NKAIN2: variants seen among roughly 807,000 people sequenced by gnomAD.
NKAIN2 encodes the protein sodium/potassium transporting ATPase interacting 2.
NKAIN2 carries 14 observed loss-of-function variants against 32.6 expected under a neutral mutation model. The ratio of observed to expected loss-of-function variants is 0.43; its 90% CI spans 0.28 to 0.67. NKAIN2 has a LOEUF of 0.67. Among genes scored for constraint, NKAIN2 ranks in the 30% least tolerant of loss-of-function variants. The pLI is 0.17. For missense variants in NKAIN2, 198 were observed against 258.3 expected, an observed-to-expected ratio of 0.77 and a Z score of 1.60; for synonymous variants, 80 against 87.2, an observed-to-expected ratio of 0.92 and a Z score of 0.46.
At chr6:124,307,725 A>C (rs1796561564) in intron 2 of NKAIN2, among the ~76,000 whole-genome samples, 1 of 152,190 alleles carries the variant, frequency 6.6e-6, no homozygotes, top group Non-Finnish European at 1.5e-5. Flanking sequence ...TATTTATTAA[A>C]ATATGACAGC....
At chr6:124,706,857 ATACTTT>A (rs1378811548) in intron 4 of NKAIN2, among the ~76,000 whole-genome samples, 1 of 151,866 alleles carries the variant, frequency 6.6e-6, no homozygotes, top group African/African-American at 2.4e-5. Flanking sequence ...TTTTTTTATT[ATACTTT>A]AAGTTTTAGG....
chr6:124,568,710 T>C (rs995669731), intron 3 of NKAIN2, among the ~76,000 whole-genome samples: 6 of 150,428 alleles, frequency 4.0e-5, no homozygotes, highest in African/African-American at 1.5e-4. Flanking sequence ...CATCTAGTGG[T>C]GAAAGAGGAA....
At chr6:124,379,162 G>A (rs1800134369) in intron 3 of NKAIN2, among the ~76,000 whole-genome samples, 3 of 48,352 alleles carry the variant, frequency 6.2e-5, no homozygotes, top group Non-Finnish European at 8.7e-5. Context: ...AGGGAGGGGA[G>A]GGGAGGGAGG....
chr6:124,491,037 G>A (rs1777842417), intron 3 of NKAIN2, among the ~76,000 whole-genome samples: 1 of 151,814 alleles, frequency 6.6e-6, no homozygotes, highest in African/African-American at 2.4e-5. Context: ...ATAAATTTCT[G>A]GTTGCAAGAT....
At chr6:124,178,329 G>T (rs1157348050) in intron 1 of NKAIN2, among the ~76,000 whole-genome samples, 3 of 146,612 alleles carry the variant, frequency 2.0e-5, no homozygotes, top group Non-Finnish European at 4.5e-5. Context: ...ACAGAGTCTC[G>T]CTCTGTTGCC....
At chr6:124,180,784 G>A (rs891358650) in intron 1 of NKAIN2, among the ~76,000 whole-genome samples, 22 of 152,278 alleles carry the variant, frequency 1.4e-4, no homozygotes, top group African/African-American at 3.8e-4. Context: ...CTGTGGCTTC[G>A]CTGGGTACAG....
Position 124,414,310 on chromosome 6 carries a change from A to G in NKAIN2, c.273+58963A>G, listed in dbSNP as rs188069836. On this transcript the variant is annotated intron_variant, in intron 3 of 6. Coordinates refer to ENST00000368417, the MANE Select transcript of NKAIN2 (RefSeq NM_001040214.3). ...GATGATCACATTTTAGTTTGATAAT[A>G]TCATGAATTATATTGACTTTTGAAT... 3.4e-3 allele frequency among the ~76,000 whole-genome samples: 511 copies of G among 152,278 alleles called. 1 individual carries two copies. Among genetic ancestry groups the G allele is most frequent in the Non-Finnish European group, 5.6e-3 (381 of 67,988 alleles).
At chr6:124,681,051 A>C (rs1773598135) in intron 4 of NKAIN2, among the ~76,000 whole-genome samples, 2 of 151,938 alleles carry the variant, frequency 1.3e-5, no homozygotes, top group African/African-American at 4.8e-5. Flanking sequence ...AGAACAGTCC[A>C]TAGAGATTAT....
chr6:124,458,243 A>T (rs1720087409), intron 3 of NKAIN2, among the ~76,000 whole-genome samples: 2 of 152,006 alleles, frequency 1.3e-5, no homozygotes, highest in Admixed American at 6.6e-5. Flanking sequence ...TATAGATCTA[A>T]TTTGTGACTT....
chr6:124,464,660 A>C lies in NKAIN2; in HGVS notation c.273+109313A>C, dbSNP rs367977400. Among the ~76,000 whole-genome samples the C allele has an allele frequency of 8.3e-4, 127 of 152,234 alleles. No individual in the cohort carries two copies. The South Asian group carries it at 0.015, about 18-fold the overall frequency. On this transcript the variant is annotated intron_variant, in intron 3 of 6. Transcript: ENST00000368417. ...AGAAATTCCTTTGACAGGTTTGTTA[A>C]AGATCTCATGATTGTAGATGTGTGG...
chr6:124,127,695 T>A (rs1485974738), intron 1 of NKAIN2, among the ~76,000 whole-genome samples: 1 of 152,150 alleles, frequency 6.6e-6, no homozygotes, highest in Non-Finnish European at 1.5e-5. Flanking sequence ...GGGACAGGCC[T>A]GGTCAGCAAA....
At chr6:124,062,347 G>A (rs948883871) in intron 1 of NKAIN2, among the ~76,000 whole-genome samples, 10 of 152,062 alleles carry the variant, frequency 6.6e-5, no homozygotes, top group African/African-American at 1.4e-4. Flanking sequence ...TCATGTCTGC[G>A]CATTTGCTTA....
At chr6:123,976,742 A>G (rs564825207) in intron 1 of NKAIN2, among the ~76,000 whole-genome samples, 170 of 152,252 alleles carry the variant, frequency 1.1e-3, no homozygotes, top group African/African-American at 4.1e-3. Context: ...AGGATTTACT[A>G]CCTTTATATG....
At chr6:124,189,892 G>A (rs938751678) in intron 1 of NKAIN2, among the ~76,000 whole-genome samples, 1 of 152,158 alleles carries the variant, frequency 6.6e-6, no homozygotes, top group African/African-American at 2.4e-5. Flanking sequence ...GGAACACAAT[G>A]AGCCTTCATT....
At chr6:124,120,186 T>C (rs911249646) in intron 1 of NKAIN2, among the ~76,000 whole-genome samples, 1 of 152,128 alleles carries the variant, frequency 6.6e-6, no homozygotes, top group Admixed American at 6.5e-5. Context: ...GACAAATACA[T>C]TTTTAAAAAT....
intron 4 of NKAIN2, among the ~76,000 whole-genome samples, chr6:124,773,857 G>A (rs1359988626): frequency 1.3e-5 from 2 of 152,292 alleles, no homozygotes; most frequent in Middle Eastern, 3.4e-3. Context: ...AGATTTGAAA[G>A]AGATACTGAG....
At chr6:124,003,325 C>A (rs967867699) in intron 1 of NKAIN2, among the ~76,000 whole-genome samples, 2 of 152,086 alleles carry the variant, frequency 1.3e-5, no homozygotes. Flanking sequence ...GACCATCTTA[C>A]ATATTTTAAT....
intron 1 of NKAIN2, among the ~76,000 whole-genome samples, chr6:123,984,025 A>G (rs963848935): frequency 1.3e-5 from 2 of 152,096 alleles, no homozygotes; most frequent in African/African-American, 4.8e-5. Flanking sequence ...CTCCTGCCTC[A>G]GCCTCCCGAG....
intron 3 of NKAIN2, among the ~76,000 whole-genome samples, chr6:124,438,628 C>T (rs961045424): frequency 1.3e-5 from 2 of 152,156 alleles, no homozygotes; most frequent in Non-Finnish European, 1.5e-5. Flanking sequence ...GCCATTTCCT[C>T]ATATGTTCTC....
Sources: allele counts gnomAD v4.1 joint callset (sites outside exome capture counted in the v4.1 genomes callset), GRCh38; gene constraint gnomAD v4.1.1; transcripts MANE v1.5; gene names NCBI Gene and HGNC (gene_info 2026-07-23, HGNC 2026-07-21).